The following IQCM variants were observed in gnomAD, a reference collection of about 807,000 sequenced individuals.
The protein encoded by IQCM is IQ domain-containing protein M.
IQCM carries 45 observed loss-of-function variants against 57.6 expected under a neutral mutation model. The ratio of observed to expected loss-of-function variants is 0.78; its 90% CI spans 0.62 to 1.00. IQCM has a LOEUF of 1.00. Ranked by LOEUF, IQCM falls within the 50% of genes least tolerant of loss-of-function variation. IQCM has a pLI of 0.00. For synonymous variants in IQCM, 148 were observed against 158.9 expected (o/e 0.93, Z 0.51); for missense variants, 468 against 511.6 (o/e 0.91, Z 0.82).
intron 2 of IQCM, among the ~76,000 whole-genome samples, chr4:149,786,506 A>G (rs1160818811): frequency 6.6e-6 from 1 of 152,212 alleles, no homozygotes; most frequent in Non-Finnish European, 1.5e-5. Flanking sequence ...AAAAACCATC[A>G]AAAAGTGGGC....
intron 12 of IQCM, among the ~76,000 whole-genome samples, chr4:149,466,103 G>T (rs1203468983): frequency 2.0e-5 from 3 of 152,124 alleles, no homozygotes; most frequent in African/African-American, 7.2e-5. Context: ...AAATAATTCT[G>T]CTGTTCATCA....
chr4:149,659,288 A>G (rs551842039), intron 7 of IQCM, among the ~76,000 whole-genome samples: 5 of 152,120 alleles, frequency 3.3e-5, no homozygotes, highest in African/African-American at 1.2e-4. Flanking sequence ...GACGTGAAGG[A>G]CCCCTTCAAG....
intron 12 of IQCM, among the ~76,000 whole-genome samples, chr4:149,433,835 A>G (rs1266782511): frequency 6.6e-6 from 1 of 152,092 alleles, no homozygotes; most frequent in Admixed American, 6.6e-5. Context: ...CCCAACGAAC[A>G]GCATTCACAT....
intron 9 of IQCM, among the ~76,000 whole-genome samples, chr4:149,580,219 G>A (rs1359025251): frequency 6.6e-6 from 1 of 151,792 alleles, no homozygotes; most frequent in Non-Finnish European, 1.5e-5. Context: ...GGGCTCAGGT[G>A]AATAATTTTC....
chr4:149,784,863 G>T (rs898195503), intron 2 of IQCM, among the ~76,000 whole-genome samples: 4 of 152,122 alleles, frequency 2.6e-5, no homozygotes, highest in African/African-American at 9.7e-5. Context: ...AAACCGTAAG[G>T]AGGTACAGAC....
At chr4:149,573,725 C>A (rs1251106664) in intron 9 of IQCM, among the ~76,000 whole-genome samples, 12 of 149,782 alleles carry the variant, frequency 8.0e-5, no homozygotes, top group South Asian at 2.1e-4. Flanking sequence ...TGCTTGAGCC[C>A]AGGAGTGAGA....
intron 13 of IQCM, among the ~76,000 whole-genome samples, chr4:149,382,036 A>C (rs1731115206): frequency 6.6e-6 from 1 of 152,122 alleles, no homozygotes; most frequent in African/African-American, 2.4e-5. Flanking sequence ...AAGTGCTGGG[A>C]TTACAGGCAT....
chr4:149,743,207 C>T (rs1436036627), intron 2 of IQCM, among the ~76,000 whole-genome samples: 1 of 152,154 alleles, frequency 6.6e-6, no homozygotes, highest in African/African-American at 2.4e-5. Flanking sequence ...TTATACACTC[C>T]TGCCTTCAGC....
chr4:149,547,632 G>T (rs2726744), intron 12 of IQCM, among the ~76,000 whole-genome samples: 150,987 of 152,276 alleles, frequency 0.99, 74,879 homozygotes, highest in East Asian at 1. Context: ...GCTAGGAGAA[G>T]AGTTCTTATG....
intron 12 of IQCM, among the ~76,000 whole-genome samples, chr4:149,475,028 C>T (rs1740031681): frequency 6.6e-6 from 1 of 152,140 alleles, no homozygotes; most frequent in Admixed American, 6.5e-5. Context: ...GAATGAGAAA[C>T]TGAGGAAGGG....
intron 9 of IQCM, among the ~76,000 whole-genome samples, chr4:149,572,697 T>C (rs1751278152): frequency 1.3e-5 from 2 of 151,996 alleles, no homozygotes; most frequent in South Asian, 4.1e-4. Flanking sequence ...TCAAATACAT[T>C]TTTTGTTGTG....
chr4:149,637,162 G>GAAAAAAAAAAAAAAAAAAAAAA (rs1021089498), intron 7 of IQCM, among the ~76,000 whole-genome samples: 1 of 99,454 alleles, frequency 1.0e-5, no homozygotes, highest in African/African-American at 3.7e-5. Flanking sequence ...AAAAAAAAAA[G>GAAAAAAAAAAAAAAAAAAAAAA]AAAAAAAAAA....
chr4:149,419,064 C>A (rs762519152), intron 13 of IQCM, among the ~76,000 whole-genome samples: 1 of 152,062 alleles, frequency 6.6e-6, no homozygotes, highest in African/African-American at 2.4e-5. Flanking sequence ...GGCCATACTG[C>A]CCAAAGTAAT....
intron 13 of IQCM, among the ~76,000 whole-genome samples, chr4:149,357,084 C>T (rs375175733): frequency 6.6e-6 from 1 of 152,076 alleles, no homozygotes; most frequent in Non-Finnish European, 1.5e-5. Flanking sequence ...GTGATTTTTG[C>T]ACATTGATTT....
intron 12 of IQCM, among the ~76,000 whole-genome samples, chr4:149,492,758 C>T (rs1742230591): frequency 1.3e-5 from 2 of 152,092 alleles, no homozygotes; most frequent in South Asian, 4.1e-4. Context: ...AGCACAGATG[C>T]AACTTTCACG....
At position 149,557,030 on chromosome 4, in the gene IQCM, ATTG is replaced by A. The variant is rs528699328; in HGVS notation, c.949-3746_949-3744del. On this transcript the variant is annotated intron_variant, in intron 10 of 13. Coordinates refer to ENST00000636793, the MANE Select transcript of IQCM (RefSeq NM_001363507.2). ...TATCATTAAATATAAATAAAAATAT[ATTG>A]TTTTCTCCCAGTGTACTCTGAAAAA... 1.7e-3 allele frequency among the ~76,000 whole-genome samples: 256 copies of A among 152,230 alleles called. 1 individual carries two copies. Among genetic ancestry groups the A allele is most frequent in the African/African-American group, 6.0e-3 (249 of 41,530 alleles).
chr4:149,777,113 G>A (rs1771162662), intron 2 of IQCM, among the ~76,000 whole-genome samples: 1 of 152,082 alleles, frequency 6.6e-6, no homozygotes, highest in Admixed American at 6.6e-5. Context: ...GCTACTATTA[G>A]AGCAATAATT....
Position 149,527,780 on chromosome 4 carries a change from G to A in IQCM, c.1228+20675C>T, listed in dbSNP as rs559554687. On this transcript the variant is annotated intron_variant, in intron 12 of 13. Transcript: ENST00000636793. ...ACTCAAGTCTTTTTGCTTCTCCCAT[G>A]CCATGCTGTGTTAAAGTAAACACAG... 4.9e-4 allele frequency among the ~76,000 whole-genome samples: 74 copies of A among 152,150 alleles called. 1 individual carries two copies. The South Asian group carries it at 0.015, about 32-fold the overall frequency.
chr4:149,379,335 C>T (rs1730917886), intron 13 of IQCM, among the ~76,000 whole-genome samples: 1 of 152,130 alleles, frequency 6.6e-6, no homozygotes, highest in African/African-American at 2.4e-5. Flanking sequence ...AGCTTGCACC[C>T]TGCACATGGA....
Sources: gnomAD v4.1 joint callset for allele counts (sites outside exome capture counted in the v4.1 genomes callset) on GRCh38, gnomAD v4.1.1 for gene constraint, MANE v1.5 for transcripts, NCBI Gene and HGNC (gene_info 2026-07-23, HGNC 2026-07-21) for gene names.